The following FAM171A1 variants were observed in gnomAD, a reference collection of about 807,000 sequenced individuals.
FAM171A1 encodes protein FAM171A1.
In FAM171A1, 23 loss-of-function variants were observed where a neutral mutation model predicts 74.9. The observed-to-expected ratio is 0.31, with a 90% CI of 0.22 to 0.44. The LOEUF (loss-of-function observed/expected upper bound fraction) is 0.44. Ranked by LOEUF, FAM171A1 falls within the 20% of genes least tolerant of loss-of-function variation. The probability of loss-of-function intolerance (pLI) is 1.00; values close to 1 mark genes in which losing one functional copy is unlikely to be tolerated. For synonymous variants in FAM171A1, 527 were observed against 505.7 expected (o/e 1.04, Z -0.57); for missense variants, 1,162 against 1,159.2 (o/e 1.00, Z -0.03).
At chr10:15,344,846 C>A (rs1835801433) in intron 1 of FAM171A1, among the ~76,000 whole-genome samples, 1 of 152,152 alleles carries the variant, frequency 6.6e-6, no homozygotes, top group South Asian at 2.1e-4. Flanking sequence ...TGTTTCCCAA[C>A]AAAATGCTTT....
intron 1 of FAM171A1, 145 bp downstream of exon 1, chr10:15,370,811 C>T (rs1281384112): frequency 2.6e-5 from 5 of 193,402 alleles, no homozygotes; most frequent in Non-Finnish European, 4.5e-5. Flanking sequence ...GTTGCGGGTG[C>T]TGCAGGCCCG....
At chr10:15,304,390 C>T (rs935636532) in intron 1 of FAM171A1, among the ~76,000 whole-genome samples, 1 of 152,140 alleles carries the variant, frequency 6.6e-6, no homozygotes, top group Admixed American at 6.5e-5. Context: ...AGAGCCCACT[C>T]CCCAGCCACA....
chr10:15,339,040 T>C (rs1588561509), intron 1 of FAM171A1, among the ~76,000 whole-genome samples: 1 of 152,320 alleles, frequency 6.6e-6, no homozygotes, highest in East Asian at 1.9e-4. Context: ...CACCCAGCCC[T>C]GGATTACAGT....
At chr10:15,310,579 G>A (rs967774441) in intron 1 of FAM171A1, among the ~76,000 whole-genome samples, 1 of 152,036 alleles carries the variant, frequency 6.6e-6, no homozygotes, top group Non-Finnish European at 1.5e-5. Flanking sequence ...AGACCCATTG[G>A]GGCTGGGCAT....
chr10:15,353,408 CATA>C (rs1835900483), intron 1 of FAM171A1, among the ~76,000 whole-genome samples: 1 of 152,160 alleles, frequency 6.6e-6, no homozygotes, highest in African/African-American at 2.4e-5. Context: ...CACAGATTTT[CATA>C]ATACCATAAA....
In FAM171A1 at chr10:15,212,786, T is replaced by G; in HGVS notation, c.*129A>C. The G allele has an allele frequency of 4.4e-6, 5 of 1,135,820 alleles. No homozygotes were observed. The highest frequency in any genetic ancestry group is 6.3e-6 in the Non-Finnish European group (5 of 797,036). 70.4% of individuals were successfully genotyped at this position (1,135,820 alleles called of 1,614,324 possible). A position where few individuals can be genotyped will look rare whatever the true frequency, so the allele number is the denominator to read the frequency against. On this transcript the variant is annotated 3_prime_UTR_variant, in exon 8 of 8. Transcript: ENST00000378116. ...CTAACATTTACACGGCAAACAGGAATGCAGTAAACGTCCACGTCCGTCCCA... is the reference window on the plus strand; with the variant it reads ...CTAACATTTACACGGCAAACAGGAAGGCAGTAAACGTCCACGTCCGTCCCA...
Position 15,331,864 on chromosome 10 carries a change from T to C in FAM171A1, c.97+39092A>G, listed in dbSNP as rs1186415120. On this transcript the variant is annotated intron_variant, in intron 1 of 7. Transcript: ENST00000378116. ...ATGTGTGTATATATATGTGTGTATATATATGTGTGTGTATACATATATATA... is the reference window on the plus strand; with the variant it reads ...ATGTGTGTATATATATGTGTGTATACATATGTGTGTGTATACATATATATA... Among the ~76,000 whole-genome samples, 724 of 117,382 alleles carry C rather than the reference T, an allele frequency of 6.2e-3. 33 individuals carry two copies. The highest frequency in any genetic ancestry group is 0.025 in the East Asian group (78 of 3,180). 77.0% of individuals were successfully genotyped at this position (117,382 alleles called of 152,430 possible). A position where few individuals can be genotyped will look rare whatever the true frequency, so the allele number is the denominator to read the frequency against.
intron 2 of FAM171A1, among the ~76,000 whole-genome samples, chr10:15,281,734 T>C (rs950311828): frequency 4.6e-5 from 7 of 152,052 alleles, no homozygotes; most frequent in African/African-American, 1.7e-4. Context: ...GGTGGTGTGC[T>C]CCTGTAATCC....
intron 1 of FAM171A1, among the ~76,000 whole-genome samples, chr10:15,299,096 T>TAA (rs927935928): frequency 1.3e-5 from 2 of 152,118 alleles, no homozygotes; most frequent in Non-Finnish European, 2.9e-5. Context: ...AATTTTTGTA[T>TAA]TTTTAGTAGA....
intron 1 of FAM171A1, among the ~76,000 whole-genome samples, chr10:15,323,497 G>T (rs192638310): frequency 8.4e-4 from 127 of 152,018 alleles, no homozygotes; most frequent in African/African-American, 2.6e-3. Context: ...ACAAAATAAA[G>T]TACACCTCTT....
intron 1 of FAM171A1, among the ~76,000 whole-genome samples, chr10:15,331,047 G>A (rs1312684494): frequency 1.3e-5 from 2 of 151,918 alleles, no homozygotes; most frequent in Non-Finnish European, 2.9e-5. Context: ...ACGCCACCAC[G>A]CCTGGCTAAT....
At chr10:15,241,263 G>A (rs1214460417) in intron 5 of FAM171A1, 3 of 152,168 alleles carry the variant, frequency 2.0e-5, no homozygotes, top group Non-Finnish European at 4.4e-5. Context: ...GGGCTGTCTG[G>A]GCACCCCAGT....
intron 1 of FAM171A1, among the ~76,000 whole-genome samples, chr10:15,330,899 T>A (rs1835621882): frequency 1.3e-5 from 2 of 151,294 alleles, no homozygotes; most frequent in Admixed American, 1.3e-4. Context: ...TTATTTTATT[T>A]TTTTTTTGAG....
intron 1 of FAM171A1, among the ~76,000 whole-genome samples, chr10:15,338,654 T>G (rs972364529): frequency 6.6e-6 from 1 of 152,210 alleles, no homozygotes; most frequent in Non-Finnish European, 1.5e-5. Context: ...AGCAACACAT[T>G]TAAAACCTCT....
chr10:15,321,552 T>C (rs1305541919), intron 1 of FAM171A1, among the ~76,000 whole-genome samples: 1 of 152,198 alleles, frequency 6.6e-6, no homozygotes, highest in Non-Finnish European at 1.5e-5. Context: ...TTTGTAACAC[T>C]TTCACTAAAA....
intron 3 of FAM171A1, among the ~76,000 whole-genome samples, chr10:15,267,289 A>G (rs1834757568): frequency 6.6e-6 from 1 of 152,182 alleles, no homozygotes; most frequent in South Asian, 2.1e-4. Context: ...CTGCAGCCAT[A>G]TTCCACTCAT....
Position 15,283,929 on chromosome 10 carries a change from T to C in FAM171A1, c.274A>G (p.Lys92Glu), listed in dbSNP as rs898854789. 8.7e-6 allele frequency: 14 copies of C among 1,614,000 alleles called. No individual in the cohort carries two copies. Among genetic ancestry groups the C allele is most frequent in the Non-Finnish European group, 1.1e-5 (13 of 1,180,016 alleles). ...GCAGAGTTTGGCACGTAGGCATGCTTCGAGGCGGTGACAATCAACTGACTG... is the reference window on the plus strand; with the variant it reads ...GCAGAGTTTGGCACGTAGGCATGCTCCGAGGCGGTGACAATCAACTGACTG... The part of the protein sequence containing the change: ...LGSQLIVTAS[K>E]HAYVPNSAPW... The change falls in exon 2 of 8, where the codon AAG becomes GAG. Residue 92 changes from lysine to glutamate, a missense_variant. Lys to Glu is a moderately conservative substitution (Grantham distance 56, BLOSUM62 1). Coordinates refer to ENST00000378116, the MANE Select transcript of FAM171A1 (RefSeq NM_001010924.2).
At chr10:15,350,942 C>T (rs1231092925) in intron 1 of FAM171A1, among the ~76,000 whole-genome samples, 2 of 152,142 alleles carry the variant, frequency 1.3e-5, no homozygotes, top group African/African-American at 2.4e-5. Context: ...CATGCCTGGC[C>T]ACCCTTCTCT....
At chr10:15,284,159 G>T in intron 1 of FAM171A1, 54 bp from the exon 2 acceptor site, 1 of 1,497,254 alleles carries the variant, frequency 6.7e-7, no homozygotes. Flanking sequence ...AACATTCATA[G>T]CAACTCTGGT....
Sources: gnomAD v4.1 joint callset for allele counts (sites outside exome capture counted in the v4.1 genomes callset) on GRCh38, gnomAD v4.1.1 for gene constraint, MANE v1.5 for transcripts, NCBI Gene and HGNC (gene_info 2026-07-23, HGNC 2026-07-21) for gene names.